Variants in DRAM1 observed in about 807,000 individuals in gnomAD.
The protein encoded by DRAM1 is DNA damage-regulated autophagy modulator protein 1.
DRAM1 carries 25 observed loss-of-function variants against 28.5 expected under a neutral mutation model. The ratio of observed to expected loss-of-function variants is 0.88; its 90% CI spans 0.64 to 1.23. The LOEUF is 1.23. Among genes scored for constraint, DRAM1 ranks in the 50% most tolerant of loss-of-function variants. The probability of loss-of-function intolerance (pLI) is 0.00; values close to 1 mark genes in which losing one functional copy is unlikely to be tolerated. For synonymous variants in DRAM1, 113 were observed against 114.2 expected (o/e 0.99, Z 0.07); for missense variants, 249 against 299.2 (o/e 0.83, Z 1.24).
intron 3 of DRAM1, 49 bp from the exon 4 acceptor site, chr12:101,908,137 T>C (rs61936575): frequency 0.11 from 165,928 of 1,521,436 alleles, 9,806 homozygotes; most frequent in Middle Eastern, 0.17. Context: ...TGCGGTTCGA[T>C]GTTGACAAAC....
chr12:101,895,195 T>C (rs979354226), intron 1 of DRAM1, among the ~76,000 whole-genome samples: 1 of 127,146 alleles, frequency 7.9e-6, no homozygotes, highest in Non-Finnish European at 1.6e-5. Flanking sequence ...GGTTTTTTTT[T>C]TTTTTTTTTT....
chr12:101,908,349 C>T lies in DRAM1; in HGVS notation c.506C>T (p.Ala169Val), dbSNP rs1260293236. 1 of 1,609,902 alleles carries T rather than the reference C, an allele frequency of 6.2e-7. No individual in the cohort carries two copies. Among genetic ancestry groups the T allele is most frequent in the Non-Finnish European group, 8.5e-7 (1 of 1,178,762 alleles). ...ATGGTCATCTCTGCCGTTTCTTGCGCAGCTGTCATCCCCAGTATCCTTTTT... is the reference window on the plus strand; with the variant it reads ...ATGGTCATCTCTGCCGTTTCTTGCGTAGCTGTCATCCCCAGTATCCTTTTT... ...IRMVISAVSC[A>V]AVIPMIVCAS... Residue 169 changes from alanine (A) to valine (V), a missense_variant, in exon 4 of 7, where the codon GCA (alanine) becomes GTA (valine). Transcript: ENST00000258534.
intron 1 of DRAM1, among the ~76,000 whole-genome samples, chr12:101,894,424 G>T (rs1338417327): frequency 6.6e-6 from 1 of 151,962 alleles, no homozygotes; most frequent in Non-Finnish European, 1.5e-5. Flanking sequence ...GCCAATTTTT[G>T]TATTTTTTGT....
chr12:101,909,042 A>G (rs1873936678), intron 4 of DRAM1, among the ~76,000 whole-genome samples: 1 of 151,994 alleles, frequency 6.6e-6, no homozygotes, highest in Non-Finnish European at 1.5e-5. Flanking sequence ...TGGGTGGATC[A>G]CCTGAGGTTG....
intron 1 of DRAM1, among the ~76,000 whole-genome samples, chr12:101,883,652 G>A (rs1872770906): frequency 6.7e-6 from 1 of 150,282 alleles, no homozygotes; most frequent in East Asian, 2.0e-4. Context: ...AAAAACATGA[G>A]GCCGGGCGCA....
chr12:101,877,950 A>G lies in DRAM1; in HGVS notation c.131+30A>G. On this transcript the variant is annotated intron_variant, in intron 1 of 6. Coordinates refer to ENST00000258534, the MANE Select transcript of DRAM1 (RefSeq NM_018370.3). This position sits in a 1 kb window ranked among gnomAD's most constrained non-coding sequence, Gnocchi z 4.1. The stretch of plus-strand genomic sequence containing the variant: ...GTGGCAGGGTGGGCGTCAGGGCCCC[A>G]GGAGCAGGCACAGGGACCACAGGGA... 1.3e-6 allele frequency: 2 copies of G among 1,485,386 alleles called. No individual in the cohort carries two copies. Among genetic ancestry groups the G allele is most frequent in the Non-Finnish European group, 9.0e-7 (1 of 1,109,468 alleles). The allele number at this position is 1,485,386 out of a possible 1,614,324, so 92.0% of individuals were successfully genotyped here. A position where few individuals can be genotyped will look rare whatever the true frequency, so the allele number is the denominator to read the frequency against.
At chr12:101,878,770 G>A (rs556379970) in intron 1 of DRAM1, among the ~76,000 whole-genome samples, 33 of 152,234 alleles carry the variant, frequency 2.2e-4, no homozygotes, top group African/African-American at 7.2e-4. Context: ...CTCTGGACAG[G>A]CATTGGTTGG....
chr12:101,887,934 G>A (rs971370719), intron 1 of DRAM1, among the ~76,000 whole-genome samples: 17 of 152,060 alleles, frequency 1.1e-4, no homozygotes, highest in Non-Finnish European at 4.4e-5. Flanking sequence ...CTGTTCAGCC[G>A]TAACAATGAG....
chr12:101,880,958 A>G (rs750151178), intron 1 of DRAM1, among the ~76,000 whole-genome samples: 1 of 152,158 alleles, frequency 6.6e-6, no homozygotes, highest in African/African-American at 2.4e-5. Flanking sequence ...CTGATTGCCC[A>G]TGTGTGCCTG....
rs539267396 is a variant in DRAM1 at position 101,899,201 on chromosome 12, G to A, written c.199+1271G>A. Reference sequence around the variant, plus strand: ...CCATTTGTAGTCCTCCTAAAGTTTTGGAGGTGAGCAAGGGGAAGTAGCAAT... The same window carrying A: ...CCATTTGTAGTCCTCCTAAAGTTTTAGAGGTGAGCAAGGGGAAGTAGCAAT... On this transcript the variant is annotated intron_variant, in intron 2 of 6. Transcript: ENST00000258534. Among the ~76,000 whole-genome samples the A allele has an allele frequency of 5.9e-5, 9 of 152,286 alleles. No homozygotes were observed. The South Asian group carries it at 1.9e-3, about 32-fold the overall frequency.
At chr12:101,901,868 C>CAAAA (rs57574986) in intron 3 of DRAM1, among the ~76,000 whole-genome samples, 3 of 114,328 alleles carry the variant, frequency 2.6e-5, no homozygotes, top group East Asian at 2.7e-4. Context: ...GACTCTATCT[C>CAAAA]AAAAAAAAAA....
At chr12:101,888,563 G>A (rs1375550788) in intron 1 of DRAM1, among the ~76,000 whole-genome samples, 1 of 152,168 alleles carries the variant, frequency 6.6e-6, no homozygotes, top group Non-Finnish European at 1.5e-5. Context: ...AAAATTAACT[G>A]AGGGTGATGG....
chr12:101,905,063 A>G (rs934506682), intron 3 of DRAM1, among the ~76,000 whole-genome samples: 1 of 151,922 alleles, frequency 6.6e-6, no homozygotes, highest in African/African-American at 2.4e-5. Context: ...TGCCCAGCTA[A>G]TTCTTATTTT....
intron 2 of DRAM1, among the ~76,000 whole-genome samples, chr12:101,901,084 T>G (rs1477331265): frequency 3.8e-5 from 1 of 26,350 alleles, no homozygotes; most frequent in Non-Finnish European, 7.2e-5. Flanking sequence ...AAGGGGTGTG[T>G]GTGTGTGTGT....
At chr12:101,914,080 C>T (rs982677523) in intron 4 of DRAM1, 94 bp from the exon 5 acceptor site, 5 of 723,440 alleles carry the variant, frequency 6.9e-6, no homozygotes, top group South Asian at 3.1e-5. Flanking sequence ...ATTTTAACAC[C>T]TTATAATGAT....
intron 1 of DRAM1, among the ~76,000 whole-genome samples, chr12:101,883,851 G>A (rs780797361): frequency 8.0e-5 from 12 of 150,884 alleles, no homozygotes; most frequent in Non-Finnish European, 1.6e-4. Flanking sequence ...CAGAAGAATC[G>A]CTTGAACCCG....
intron 4 of DRAM1, among the ~76,000 whole-genome samples, chr12:101,910,229 C>T (rs1873987427): frequency 6.6e-6 from 1 of 151,870 alleles, no homozygotes; most frequent in Non-Finnish European, 1.5e-5. Context: ...TTCTCAAATC[C>T]CTTGTCTTAC....
At chr12:101,894,633 G>C (rs1477753914) in intron 1 of DRAM1, among the ~76,000 whole-genome samples, 1 of 152,118 alleles carries the variant, frequency 6.6e-6, no homozygotes, top group African/African-American at 2.4e-5. Context: ...TCACGTGTTT[G>C]ATGTCATGTG....
intron 1 of DRAM1, among the ~76,000 whole-genome samples, chr12:101,894,780 C>T (rs938680283): frequency 2.4e-4 from 37 of 152,288 alleles, no homozygotes; most frequent in African/African-American, 7.7e-4. Context: ...ATATCCTCCT[C>T]ATTCTTTCAT....
Sources: allele counts gnomAD v4.1 joint callset (sites outside exome capture counted in the v4.1 genomes callset), GRCh38; gene constraint gnomAD v4.1.1; non-coding constraint Gnocchi (gnomAD v3.1); transcripts MANE v1.5; gene names NCBI Gene and HGNC (gene_info 2026-07-23, HGNC 2026-07-21).